Variants in OC90 observed in about 807,000 individuals in gnomAD.
OC90 encodes otoconin 90.
A neutral mutation model predicts 47.3 loss-of-function variants in OC90; 46 were observed. That is an observed-to-expected ratio of 0.97 (90% CI 0.77 to 1.24). The LOEUF (loss-of-function observed/expected upper bound fraction) is 1.24. Ranked by LOEUF, OC90 falls within the 50% of genes most tolerant of loss-of-function variation. The pLI is 0.00. For synonymous variants in OC90, 271 were observed against 219.5 expected, an observed-to-expected ratio of 1.23 and a Z score of -2.07; for missense variants, 688 against 583.9, an observed-to-expected ratio of 1.18 and a Z score of -1.84.
intron 2 of OC90, among the ~76,000 whole-genome samples, chr8:132,050,431 G>A (rs1301695877): frequency 7.9e-5 from 12 of 152,122 alleles, no homozygotes; most frequent in Admixed American, 6.6e-4. Context: ...CCTGGGACAT[G>A]GGACATGTCC....
intron 13 of OC90, among the ~76,000 whole-genome samples, chr8:132,028,592 A>G (rs1822803788): frequency 3.0e-5 from 1 of 33,814 alleles, no homozygotes; most frequent in Admixed American, 3.8e-4. Context: ...GGAAGGAAGG[A>G]AGGAAGGAGG....
chr8:132,043,074 G>A (rs1266586271), intron 4 of OC90, among the ~76,000 whole-genome samples: 2 of 152,188 alleles, frequency 1.3e-5, no homozygotes, highest in African/African-American at 4.8e-5. Flanking sequence ...TTTATTATTT[G>A]AGTCACTATT....
chr8:132,024,955 C>A (rs982989683), intron 13 of OC90, among the ~76,000 whole-genome samples, 179 bp from the exon 14 acceptor site: 3 of 152,214 alleles, frequency 2.0e-5, no homozygotes, highest in African/African-American at 7.2e-5. Flanking sequence ...GGAATGATCC[C>A]TCTGCCAGGA....
At chr8:132,035,876 C>T (rs905124992) in intron 9 of OC90, among the ~76,000 whole-genome samples, 3 of 152,190 alleles carry the variant, frequency 2.0e-5, no homozygotes, top group African/African-American at 7.2e-5. Flanking sequence ...TTGTAAGGGG[C>T]TTGGGAATGA....
At position 132,024,710 on chromosome 8, in the gene OC90, G is replaced by A. The variant is rs1450216908; in HGVS notation, c.1205C>T (p.Thr402Ile). 1.2e-6 allele frequency: 2 copies of A among 1,613,844 alleles called. No individual in the cohort carries two copies. Among genetic ancestry groups the A allele is most frequent in the South Asian group, 1.1e-5 (1 of 91,044 alleles). ...GAGGCTTTGGTTAAAGGAGGCAGAG[G>A]TCATGCACTCAGCTGCCGTCTGGTC... ...ACDQTAAECM[T>I]SASFNQSLKS... Residue 402 changes from threonine (T) to isoleucine (I), a missense_variant, in exon 14 of 14, where the codon ACC becomes ATC. Coordinates refer to ENST00000254627, the MANE Select transcript of OC90 (RefSeq NM_001080399.3).
At chr8:132,039,385 A>G (rs1409462990) in intron 6 of OC90, among the ~76,000 whole-genome samples, 1 of 151,652 alleles carries the variant, frequency 6.6e-6, no homozygotes, top group African/African-American at 2.4e-5. Flanking sequence ...ACATCTCCAC[A>G]CCTCCACTGT....
intron 1 of OC90, among the ~76,000 whole-genome samples, chr8:132,056,658 T>C (rs1406680163): frequency 6.6e-6 from 1 of 152,168 alleles, no homozygotes; most frequent in East Asian, 1.9e-4. Context: ...AATGATTCCT[T>C]CTCAGGCCAT....
In OC90 at chr8:132,041,107, A is replaced by T. The variant is rs774490512; in HGVS notation, c.394T>A (p.Cys132Ser). The change falls in exon 6 of 14, where the codon TGT becomes AGT. Residue 132 changes from cysteine to serine, a missense_variant. Coordinates refer to ENST00000254627, the MANE Select transcript of OC90 (RefSeq NM_001080399.3). ...CTAAGTTTGGCGGGGTCTTGGAGAC[A>T]GTCCATCTCAGCGGCCTCCTCATAG... is the stretch of plus-strand genomic sequence containing the variant. Reference protein sequence around the residue: ...RCYEEAAEMDCLQDPAKLSTE... With the variant: ...RCYEEAAEMDSLQDPAKLSTE... 2.5e-6 allele frequency: 4 copies of T among 1,613,850 alleles called. No homozygotes were observed. Among genetic ancestry groups the T allele is most frequent in the Non-Finnish European group, 8.5e-7 (1 of 1,179,826 alleles).
At chr8:132,037,575 T>G in intron 8 of OC90, 87 bp from the exon 9 acceptor site, 3 of 1,198,082 alleles carry the variant, frequency 2.5e-6, no homozygotes, top group Admixed American at 4.0e-5. Context: ...ACAGGCTGGT[T>G]GCTGGCCCAA....
At chr8:132,032,419 C>A (rs188580178) in intron 11 of OC90, among the ~76,000 whole-genome samples, 1 of 152,224 alleles carries the variant, frequency 6.6e-6, no homozygotes, top group East Asian at 1.9e-4. Context: ...GGTTTCTGGT[C>A]GCATCAGGTT....
intron 11 of OC90, 90 bp downstream of exon 11, chr8:132,032,949 T>A (rs1822897580): frequency 7.1e-7 from 1 of 1,408,946 alleles, no homozygotes. Flanking sequence ...CATGAGAAGG[T>A]CACAGTGTGA....
Position 132,047,922 on chromosome 8 carries a change from G to A in OC90, c.47-2039C>T, listed in dbSNP as rs115298058. On this transcript the variant is annotated intron_variant, in intron 2 of 13. Coordinates refer to ENST00000254627, the MANE Select transcript of OC90 (RefSeq NM_001080399.3). ...GATGGTATTAGAAATCAGGGCCTTT[G>A]GGAGGTGATTAGGTCTTGAGGCTTT... Among the ~76,000 whole-genome samples the A allele has an allele frequency of 5.8e-3, 879 of 152,296 alleles. 11 individuals are homozygous for A. The highest frequency in any genetic ancestry group is 0.02 in the African/African-American group (811 of 41,562).
chr8:132,054,188 C>T (rs1441248647), intron 2 of OC90, among the ~76,000 whole-genome samples: 2 of 152,178 alleles, frequency 1.3e-5, no homozygotes, highest in Non-Finnish European at 1.5e-5. Context: ...TGTCCCAGGG[C>T]ATGTAGGTAT....
At chr8:132,056,396 G>C (rs1823279909) in intron 1 of OC90, among the ~76,000 whole-genome samples, 1 of 152,156 alleles carries the variant, frequency 6.6e-6, no homozygotes, top group South Asian at 2.1e-4. Flanking sequence ...CTACTCTATG[G>C]ACCTATCCCA....
chr8:132,058,514 G>T (rs1490403515), intron 1 of OC90, among the ~76,000 whole-genome samples: 1 of 152,216 alleles, frequency 6.6e-6, no homozygotes, highest in Non-Finnish European at 1.5e-5. Flanking sequence ...CTGAGCCCAA[G>T]GCCTTGCTGG....
intron 4 of OC90, 119 bp downstream of exon 4, chr8:132,044,314 G>T: frequency 1.5e-6 from 1 of 654,310 alleles, no homozygotes. Context: ...TTGTTGGGAG[G>T]TAGCTGTGGA....
Position 132,047,144 on chromosome 8 carries a change from C to T in OC90, c.47-1261G>A, listed in dbSNP as rs550797675. 3.3e-5 allele frequency among the ~76,000 whole-genome samples: 5 copies of T among 152,292 alleles called. No homozygotes were observed. In the East Asian group the frequency reaches 9.7e-4, roughly 29 times the overall value. On this transcript the variant is annotated intron_variant, in intron 2 of 13. Transcript: ENST00000254627. ...GAGAGTCACTGAGGCTCGCCAAGTC[C>T]TTCCTAGTGGAGACAAAACCACCAC...
chr8:132,035,935 A>G (rs1399642982), intron 9 of OC90, among the ~76,000 whole-genome samples: 1 of 152,222 alleles, frequency 6.6e-6, no homozygotes, highest in African/African-American at 2.4e-5. Flanking sequence ...TCGTTAACCA[A>G]AGAACCCATT....
At chr8:132,025,460 T>C (rs1233864579) in intron 13 of OC90, among the ~76,000 whole-genome samples, 1 of 152,096 alleles carries the variant, frequency 6.6e-6, no homozygotes, top group East Asian at 1.9e-4. Flanking sequence ...GCTAGACCAG[T>C]AAGGGGAAAT....
Sources: gnomAD v4.1 joint callset for allele counts (sites outside exome capture counted in the v4.1 genomes callset) on GRCh38, gnomAD v4.1.1 for gene constraint, MANE v1.5 for transcripts, NCBI Gene and HGNC (gene_info 2026-07-23, HGNC 2026-07-21) for gene names.